MINAR1: variants seen among roughly 807,000 people sequenced by gnomAD.
MINAR1 encodes the protein membrane integral NOTCH2 associated receptor 1, also known as major intrinsically disordered Notch2-binding receptor 1.
A neutral mutation model predicts 65.1 loss-of-function variants in MINAR1; 40 were observed. That is an observed-to-expected ratio of 0.61 (90% confidence interval 0.48 to 0.80). The LOEUF (loss-of-function observed/expected upper bound fraction) is 0.80. Ranked by LOEUF, MINAR1 falls within the 30% of genes least tolerant of loss-of-function variation. The pLI, the probability that MINAR1 is intolerant of heterozygous loss-of-function variation, is 0.00. For synonymous variants in MINAR1, 482 were observed against 449.1 expected (o/e 1.07, Z -0.93); for missense variants, 1,128 against 1,148.0 (o/e 0.98, Z 0.25).
upstream of MINAR1, among the ~76,000 whole-genome samples, chr15:79,430,211 TAAAC>T (rs970341660): frequency 1.6e-4 from 24 of 152,106 alleles, no homozygotes; most frequent in African/African-American, 5.1e-4. Flanking sequence ...AGAAATTAAA[TAAAC>T]CTCTAGCCGA....
At chr15:79,436,995 T>C (rs1320643168) in intron 1 of MINAR1, among the ~76,000 whole-genome samples, 1 of 152,228 alleles carries the variant, frequency 6.6e-6, no homozygotes, top group East Asian at 1.9e-4. Context: ...CTCATGTGAT[T>C]ACCCCATTGA....
At chr15:79,459,245 T>TCTTTC (rs1022595348) in intron 2 of MINAR1, among the ~76,000 whole-genome samples, 1 of 152,176 alleles carries the variant, frequency 6.6e-6, no homozygotes, top group African/African-American at 2.4e-5. Context: ...TAATCTGGTG[T>TCTTTC]CTTTCCTTTC....
rs577784035 is a variant in MINAR1, at chr15:79,463,747, C to T, written c.2553+426C>T. The T allele has an allele frequency of 1.1e-4, 49 of 459,462 alleles. No homozygotes were observed. In the East Asian group the frequency reaches 3.0e-3, roughly 28 times the overall value. 28.5% of individuals were successfully genotyped at this position (459,462 alleles called of 1,614,324 possible). ...CCAAGCTATGGATTATGTTTCCATA[C>T]GGAGCAGCCCCAGGTAAGAGCCATC... is the stretch of plus-strand genomic sequence containing the variant. On this transcript the variant is annotated intron_variant, in intron 3 of 3. Transcript: ENST00000305428.
In MINAR1 at chr15:79,468,563, A is replaced by G. The variant is rs1182865648; in HGVS notation, c.*179A>G. ...ATACATTCTAGTGAGAAATCTACCT[A>G]CCTATTAGCTTTGACTCAATTACAC... On this transcript the variant is annotated 3_prime_UTR_variant, in exon 4 of 4. Transcript: ENST00000305428. The G allele has an allele frequency of 6.5e-6, 4 of 613,372 alleles. No individual in the cohort carries two copies. Among genetic ancestry groups the G allele is most frequent in the Non-Finnish European group, 1.1e-5 (4 of 352,772 alleles). 38.0% of individuals were successfully genotyped at this position (613,372 alleles called of 1,614,324 possible).
chr15:79,462,105 T>G (rs1401177180), intron 2 of MINAR1, among the ~76,000 whole-genome samples: 2 of 152,216 alleles, frequency 1.3e-5, no homozygotes, highest in Admixed American at 1.3e-4. Flanking sequence ...TGACTTCATA[T>G]CGCCTCTAAC....
intron 1 of MINAR1, among the ~76,000 whole-genome samples, chr15:79,443,927 A>G (rs953762088): frequency 1.3e-5 from 2 of 152,184 alleles, no homozygotes; most frequent in African/African-American, 4.8e-5. Flanking sequence ...GCATATAAAA[A>G]CTGTTGGCCT....
At position 79,457,766 on chromosome 15, in the gene MINAR1, C is replaced by T. The variant is rs567449607; in HGVS notation, c.1619C>T (p.Ser540Phe). 22 of 1,614,176 alleles carry T rather than the reference C, an allele frequency of 1.4e-5. No homozygotes were observed. In the South Asian group the frequency reaches 2.3e-4, roughly 17 times the overall value. ...GGCTCCACGGGAGTGATACAGTCGT[C>T]CTGCTACAACAGCACAGGATCCTTG... ...ISGSTGVIQSSCYNSTGSLSQ... is the reference protein window; with the variant it reads ...ISGSTGVIQSFCYNSTGSLSQ... Residue 540 changes from serine (S) to phenylalanine (F), a missense_variant, in exon 2 of 4, where the codon TCC (serine) becomes TTC (phenylalanine). Transcript: ENST00000305428.
At chr15:79,442,586 A>T (rs1894900996) in intron 1 of MINAR1, among the ~76,000 whole-genome samples, 1 of 107,978 alleles carries the variant, frequency 9.3e-6, no homozygotes, top group African/African-American at 4.1e-5. Flanking sequence ...CTTGCCCCAT[A>T]AAAATGAAAA....
intron 1 of MINAR1, among the ~76,000 whole-genome samples, chr15:79,450,006 C>T (rs1424813239): frequency 6.6e-6 from 1 of 152,216 alleles, no homozygotes; most frequent in Non-Finnish European, 1.5e-5. Context: ...GGCTGGAATT[C>T]ATCTCCCCCT....
At chr15:79,466,709 G>A (rs1265620068) in intron 3 of MINAR1, among the ~76,000 whole-genome samples, 4 of 152,212 alleles carry the variant, frequency 2.6e-5, no homozygotes, top group Non-Finnish European at 4.4e-5. Flanking sequence ...CCTGCGGGTT[G>A]TCAGTGTCCT....
rs61731598 is a variant in MINAR1, at chr15:79,456,231, G to A, written c.84G>A (p.Gln28=). Reference sequence around the variant, plus strand: ...GCAAGCAAAATACCGTTTCTTATCAGGACCTGTGCAAATCTCTCTGTGCCC... The same window carrying A: ...GCAAGCAAAATACCGTTTCTTATCAAGACCTGTGCAAATCTCTCTGTGCCC... ...LDSKQNTVSY[Q]DLCKSLCARF... Residue 28 remains glutamine (Q), a synonymous_variant, in exon 2 of 4, where the codon CAG becomes CAA. Coordinates refer to ENST00000305428, the MANE Select transcript of MINAR1 (RefSeq NM_015206.3). 5.5e-3 allele frequency: 8,898 copies of A among 1,614,054 alleles called. 37 individuals carry two copies. Among genetic ancestry groups the A allele is most frequent in the Non-Finnish European group, 6.8e-3 (8,067 of 1,179,986 alleles).
chr15:79,417,770 A>G, the MINAR1 span: 1 of 152,378 alleles, frequency 6.6e-6, no homozygotes, highest in East Asian at 1.9e-4. Context: ...CCAGGCTTAG[A>G]GCCATCAAGA....
intron 1 of MINAR1, among the ~76,000 whole-genome samples, chr15:79,454,996 C>T (rs1475208311): frequency 6.6e-6 from 1 of 152,108 alleles, no homozygotes; most frequent in Admixed American, 6.5e-5. Flanking sequence ...GTACAGATGT[C>T]TGCAATTTAC....
At chr15:79,433,371 G>A (rs966889807) in intron 1 of MINAR1, among the ~76,000 whole-genome samples, 5 of 152,218 alleles carry the variant, frequency 3.3e-5, no homozygotes, top group Admixed American at 6.5e-5. Context: ...TAAGCAGCAG[G>A]GAAGATAAGG....
intron 1 of MINAR1, among the ~76,000 whole-genome samples, chr15:79,436,079 T>G (rs1485528651): frequency 6.6e-6 from 1 of 152,272 alleles, no homozygotes; most frequent in Non-Finnish European, 1.5e-5. Context: ...AGAAAGTGGC[T>G]GCTCCTCCCT....
At position 79,434,794 on chromosome 15, in the gene MINAR1, A is replaced by G. The variant is rs79539229; in HGVS notation, c.-51+2254A>G. ...AGGCTATGAAGCTTAAGACAGGCAGAGACAGTTGGCTTCCTACCTAGGCAT... is the reference window on the plus strand; with the variant it reads ...AGGCTATGAAGCTTAAGACAGGCAGGGACAGTTGGCTTCCTACCTAGGCAT... On this transcript the variant is annotated intron_variant, in intron 1 of 3. Transcript: ENST00000305428. Among the ~76,000 whole-genome samples the G allele has an allele frequency of 6.8e-3, 1,031 of 152,356 alleles. 44 individuals are homozygous for G. In the East Asian group the frequency reaches 0.13, roughly 19 times the overall value.
intron 1 of MINAR1, among the ~76,000 whole-genome samples, chr15:79,446,564 T>C (rs1895026284): frequency 6.6e-6 from 1 of 152,120 alleles, no homozygotes; most frequent in Non-Finnish European, 1.5e-5. Context: ...AAAATCTGCT[T>C]TTAAGTTTAT....
At position 79,456,819 on chromosome 15, in the gene MINAR1, C is replaced by T. The variant is rs767695301; in HGVS notation, c.672C>T (p.Ser224=). 6.2e-7 allele frequency: 1 copy of T among 1,614,174 alleles called. No individual in the cohort carries two copies. Among genetic ancestry groups the T allele is most frequent in the East Asian group, 2.2e-5 (1 of 44,878 alleles). ...TYFPMNIENE[S]ISDQDSLPIN... is the part of the protein sequence containing the mutation. ...TCCCCATGAACATCGAAAACGAGTC[C>T]ATTTCAGACCAGGACTCCCTGCCCA... is the stretch of plus-strand genomic sequence containing the variant. Residue 224 remains serine (S), a synonymous_variant, in exon 2 of 4, where the codon TCC becomes TCT. Coordinates refer to ENST00000305428, the MANE Select transcript of MINAR1 (RefSeq NM_015206.3).
intron 3 of MINAR1, among the ~76,000 whole-genome samples, chr15:79,467,497 C>T (rs185414979): frequency 6.6e-6 from 1 of 152,218 alleles, no homozygotes; most frequent in African/African-American, 2.4e-5. Context: ...GTTGATTAAC[C>T]TCAGGGAGAT....
Sources: allele counts gnomAD v4.1 joint callset (sites outside exome capture counted in the v4.1 genomes callset), GRCh38; gene constraint gnomAD v4.1.1; transcripts MANE v1.5; gene names NCBI Gene and HGNC (gene_info 2026-07-23, HGNC 2026-07-21).